PKD1: variants seen among roughly 807,000 people sequenced by gnomAD.
PKD1 encodes polycystin-1.
Under a neutral mutation model 361.7 loss-of-function variants are expected in PKD1, and 81 were observed. That is an observed-to-expected ratio of 0.22 (90% CI 0.19 to 0.27). The LOEUF (loss-of-function observed/expected upper bound fraction) is 0.27, where lower values mean the gene tolerates loss of function less well. PKD1 is among the 10% of genes least tolerant of loss of function. The pLI, the probability that PKD1 is intolerant of heterozygous loss-of-function variation, is 1.00. For missense variants in PKD1, 6,399 were observed against 6,118.3 expected (o/e 1.05, Z -1.53); for synonymous variants, 3,615 against 2,818.3 (o/e 1.28, Z -8.95).
Position 2,090,675 on chromosome 16 carries a change from A to G in PKD1, c.12137T>C (p.Leu4046Pro). 1 of 1,612,098 alleles carries G rather than the reference A, an allele frequency of 6.2e-7. No individual in the cohort carries two copies. Among genetic ancestry groups the G allele is most frequent in the Non-Finnish European group, 8.5e-7 (1 of 1,179,904 alleles). The change falls in exon 44 of 46, where the codon CTG becomes CCG. Residue 4046 changes from leucine (L) to proline (P), a missense_variant and splice_region_variant. Physicochemically the swap from Leu to Pro is moderately conservative, Grantham distance 98 (BLOSUM62 -3). Coordinates refer to ENST00000262304, the MANE Select transcript of PKD1 (RefSeq NM_001009944.3). The part of the protein sequence containing the change: ...LGVAYAQLAI[L>P]LVSSCVDSLW... Reference sequence around the variant, plus strand: ...CTCCCCGGCCGCGCAGTCACCTACCAGGATGGCCAGCTGGGCGTAGGCTAC... The same window carrying G: ...CTCCCCGGCCGCGCAGTCACCTACCGGGATGGCCAGCTGGGCGTAGGCTAC...
At position 2,104,181 on chromosome 16, in the gene PKD1, A is replaced by AAAGGGAGGGGAAGGGGGAT. The variant is rs764621803; in HGVS notation, c.8161+298_8162-287dup. Reference sequence around the variant, plus strand: ...AAGGGAGAAGAAGAGGAGCAGGGGGAAAGGGAGGGGAAGGGGGATAAGGGA... The same window carrying AAAGGGAGGGGAAGGGGGAT: ...AAGGGAGAAGAAGAGGAGCAGGGGGAAAGGGAGGGGAAGGGGGATAAGGGAGGGGAAGGGGGATAAGGGA... On this transcript the variant is annotated intron_variant, in intron 22 of 45. Coordinates refer to ENST00000262304, the MANE Select transcript of PKD1 (RefSeq NM_001009944.3). Among the ~76,000 whole-genome samples the AAAGGGAGGGGAAGGGGGAT allele has an allele frequency of 2.3e-3, 32 of 13,882 alleles. 1 individual carries two copies. The South Asian group carries it at 0.034, about 15-fold the overall frequency. 9.1% of individuals were successfully genotyped at this position (13,882 alleles called of 152,430 possible).
intron 14 of PKD1, 32 bp downstream of exon 14, chr16:2,112,308 G>C: frequency 6.4e-7 from 1 of 1,570,868 alleles, no homozygotes; most frequent in Non-Finnish European, 8.6e-7. Flanking sequence ...GAGCCTGAAA[G>C]GCAGTGGCCC....
Position 2,109,835 on chromosome 16 carries a change from A to T in PKD1, c.5332T>A (p.Leu1778Met). Residue 1778 changes from leucine (L) to methionine (M), a missense_variant, in exon 15 of 46, where the codon TTG becomes ATG. Physicochemically the swap from Leu to Met is conservative, Grantham distance 15. Coordinates refer to ENST00000262304, the MANE Select transcript of PKD1 (RefSeq NM_001009944.3). ...THSFPTPGLH[L>M]VTMTAGNPLG... ...GGGTTCCCTGCCGTCATGGTGACCA[A>T]GTGCAGGCCGGGTGTGGGGAAGCTA... 6.2e-7 allele frequency: 1 copy of T among 1,610,662 alleles called. No individual in the cohort carries two copies. Among genetic ancestry groups the T allele is most frequent in the Non-Finnish European group, 8.5e-7 (1 of 1,179,830 alleles).
rs373743750 is a variant in PKD1, at chr16:2,097,345, G to C, written c.10379C>G (p.Ser3460Trp). The C allele has an allele frequency of 1.2e-5, 19 of 1,612,642 alleles. No individual in the cohort carries two copies. Among genetic ancestry groups the C allele is most frequent in the East Asian group, 4.5e-5 (2 of 44,880 alleles). ...EDGFSLASPY[S>W]PAKSFSASDE... ...TGATGCTGAGAAGGATTTGGCAGGC[G>C]AGTAGGGGCTGGCCAGGGAGAAGCC... The change falls in exon 33 of 46, where the codon TCG becomes TGG. Residue 3460 changes from serine to tryptophan, a missense_variant. Coordinates refer to ENST00000262304, the MANE Select transcript of PKD1 (RefSeq NM_001009944.3).
chr16:2,105,348 T>G lies in PKD1; in HGVS notation c.7990A>C (p.Ile2664Leu). 1 of 1,592,976 alleles carries G rather than the reference T, an allele frequency of 6.3e-7. No homozygotes were observed. Among genetic ancestry groups the G allele is most frequent in the Non-Finnish European group, 8.5e-7 (1 of 1,177,308 alleles). Residue 2664 changes from isoleucine to leucine, a missense_variant, in exon 21 of 46, where the codon ATC becomes CTC. By Grantham distance (5) the Ile-to-Leu change is conservative. Coordinates refer to ENST00000262304, the MANE Select transcript of PKD1 (RefSeq NM_001009944.3). Reference protein sequence around the residue: ...RVHTVDDIQQIAAALAQCMGP... With the variant: ...RVHTVDDIQQLAAALAQCMGP... ...ATGCACTGGGCCAGCGCAGCAGCGATCTGCTGGATGTCATCCACAGTGTGG... is the reference window on the plus strand; with the variant it reads ...ATGCACTGGGCCAGCGCAGCAGCGAGCTGCTGGATGTCATCCACAGTGTGG...
intron 34 of PKD1, chr16:2,096,810 C>A (rs2091866786): frequency 1.1e-5 from 4 of 364,678 alleles, no homozygotes; most frequent in Middle Eastern, 8.2e-4. Flanking sequence ...AGCCACCGCG[C>A]CCGGCCAAAA....
chr16:2,116,303 CT>C (rs2092634686), intron 8 of PKD1, 185 bp from the exon 9 acceptor site: 2 of 701,050 alleles, frequency 2.9e-6, no homozygotes, highest in South Asian at 3.2e-5. Flanking sequence ...GGCAGGACCC[CT>C]GACCTGCCTT....
intron 35 of PKD1, 29 bp downstream of exon 35, chr16:2,094,062 TA>T (rs774994528): frequency 2.6e-5 from 41 of 1,586,018 alleles, no homozygotes; most frequent in Admixed American, 5.2e-5. Flanking sequence ...AGGGAGGGGC[TA>T]GGGGCATCCC....
rs1213585339 is a variant in PKD1, at chr16:2,093,742, G to A, written c.10822-4C>T. On this transcript the variant is annotated splice_polypyrimidine_tract_variant and splice_region_variant and intron_variant, in intron 36 of 45. Coordinates refer to ENST00000262304, the MANE Select transcript of PKD1 (RefSeq NM_001009944.3). ...AGTACAGGGCTTCCAGCAAGACCTGGGGAGGGGGTGGCTTCAGAGGGGTCC... is the reference window on the plus strand; with the variant it reads ...AGTACAGGGCTTCCAGCAAGACCTGAGGAGGGGGTGGCTTCAGAGGGGTCC... 1 of 1,577,072 alleles carries A rather than the reference G, an allele frequency of 6.3e-7. No homozygotes were observed. The highest frequency in any genetic ancestry group is 1.1e-5 in the South Asian group (1 of 87,228).
At position 2,116,054 on chromosome 16, in the gene PKD1, G is replaced by A; in HGVS notation, c.1787C>T (p.Thr596Ile). Residue 596 changes from threonine to isoleucine, a missense_variant, in exon 9 of 46, where the codon ACC (threonine) becomes ATC (isoleucine). Physicochemically the swap from Thr to Ile is moderately conservative, Grantham distance 89. Coordinates refer to ENST00000262304, the MANE Select transcript of PKD1 (RefSeq NM_001009944.3). ...CTGGGCGGGCCGCCGGAGCTCCTGGGTCCCAAATTCGGCCGTGGTGAGGAA... is the reference window on the plus strand; with the variant it reads ...CTGGGCGGGCCGCCGGAGCTCCTGGATCCCAAATTCGGCCGTGGTGAGGAA... Reference protein sequence around the residue: ...EAFLTTAEFGTQELRRPAQLR... With the variant: ...EAFLTTAEFGIQELRRPAQLR... 2 of 1,529,722 alleles carry A rather than the reference G, an allele frequency of 1.3e-6. No homozygotes were observed. The highest frequency in any genetic ancestry group is 1.8e-6 in the Non-Finnish European group (2 of 1,128,852). The allele number at this position is 1,529,722 out of a possible 1,614,324, so 94.8% of individuals were successfully genotyped here. A position where few individuals can be genotyped will look rare whatever the true frequency, so the allele number is the denominator to read the frequency against.
intron 30 of PKD1, 150 bp from the exon 31 acceptor site, chr16:2,098,134 C>T (rs990384619): frequency 8.4e-5 from 52 of 619,266 alleles, no homozygotes; most frequent in Admixed American, 3.0e-4. Context: ...CTGCACCGTC[C>T]GTGATGGCAG....
intron 1 of PKD1, among the ~76,000 whole-genome samples, chr16:2,130,121 C>T (rs2432391): frequency 5.2e-4 from 79 of 152,328 alleles, no homozygotes; most frequent in African/African-American, 1.9e-3. Flanking sequence ...TTTGCATCCG[C>T]GTCTAATAAA....
At chr16:2,104,673 T>C (rs1021914921) in intron 21 of PKD1, 31 bp from the exon 22 acceptor site, 3 of 1,333,490 alleles carry the variant, frequency 2.2e-6, no homozygotes, top group Non-Finnish European at 2.1e-6. Context: ...CCAGCCCCGC[T>C]CCTGGCCCCA....
Position 2,089,812 on chromosome 16 carries a change from C to A in PKD1, c.12827G>T (p.Arg4276Leu). 1 of 1,600,464 alleles carries A rather than the reference C, an allele frequency of 6.2e-7. No homozygotes were observed. The highest frequency in any genetic ancestry group is 8.5e-7 in the Non-Finnish European group (1 of 1,174,236). The change falls in exon 46 of 46, where the codon CGG becomes CTG. Residue 4276 changes from arginine (R) to leucine (L), a missense_variant. Transcript: ENST00000262304. The stretch of plus-strand genomic sequence containing the variant: ...GGCCAGGTCCACACCCCGACTGGCC[C>A]GGGCAAGGCGGCTGGGCAGTGCTGG... The part of the protein sequence containing the change: ...LRPALPSRLA[R>L]ASRGVDLATG...
chr16:2,093,833 A>C lies in PKD1; in HGVS notation c.10799T>G (p.Phe3600Cys). ...CACCTTCAGTGGCTCCCAGCCGAGG[A>C]ATGAGGCCAGGAAGCTGGCGCTGCT... The part of the protein sequence containing the change: ...LSSSASFLAS[F>C]LGWEPLKVLL... The change falls in exon 36 of 46, where the codon TTC becomes TGC. Residue 3600 changes from phenylalanine (F) to cysteine (C), a missense_variant. By Grantham distance (205) the Phe-to-Cys change is radical. Transcript: ENST00000262304. The C allele has an allele frequency of 6.4e-7, 1 of 1,561,436 alleles. No individual in the cohort carries two copies. Among genetic ancestry groups the C allele is most frequent in the East Asian group, 2.4e-5 (1 of 42,090 alleles).
At chr16:2,130,125 T>G (rs1174379157) in intron 1 of PKD1, among the ~76,000 whole-genome samples, 4 of 152,222 alleles carry the variant, frequency 2.6e-5, no homozygotes, top group Non-Finnish European at 4.4e-5. Context: ...CATCCGCGTC[T>G]AATAAAGAAA....
At chr16:2,093,430 C>G (rs961553220) in intron 37 of PKD1, 114 bp downstream of exon 37, 1 of 1,005,808 alleles carries the variant, frequency 9.9e-7, no homozygotes, top group Non-Finnish European at 1.5e-6. Flanking sequence ...AGCATTGAAC[C>G]CCTAAGGGCC....
Position 2,109,272 on chromosome 16 carries a change from G to A in PKD1, c.5895C>T (p.Ile1965=), listed in dbSNP as rs558825346. 1.6e-5 allele frequency: 25 copies of A among 1,584,084 alleles called. No individual in the cohort carries two copies. The African/African-American group carries it at 2.3e-4, about 14-fold the overall frequency. Residue 1965 remains isoleucine (I), a synonymous_variant, in exon 15 of 46, where the codon ATC becomes ATT. Transcript: ENST00000262304. ...HVSWAQAQVR[I]VVLEAVSGLQ... ...GCCCACTCACGGCCTCCAGCACCAC[G>A]ATGCGCACCTGCGCCTGGGCCCAGC... is the stretch of plus-strand genomic sequence containing the variant.
Position 2,100,194 on chromosome 16 carries a change from G to A in PKD1, c.9684C>T (p.Gly3228=). 5.0e-6 allele frequency: 8 copies of A among 1,609,324 alleles called. No individual in the cohort carries two copies. The highest frequency in any genetic ancestry group is 1.1e-5 in the South Asian group (1 of 90,960). ...WLSVETEANG[G]LVEKEVLAAS... is the part of the protein sequence containing the mutation. ...CGGCCAGCACCTCCTTCTCCACCAG[G>A]CCCCCGTTGGCCTCCGTCTCCACCG... Residue 3228 remains glycine, a synonymous_variant, in exon 28 of 46, where the codon GGC becomes GGT. Transcript: ENST00000262304. The surrounding 1 kb of genome is among the most constrained non-coding windows in gnomAD (Gnocchi z 4.4).
Sources: gnomAD v4.1 joint callset for allele counts (sites outside exome capture counted in the v4.1 genomes callset) on GRCh38, gnomAD v4.1.1 for gene constraint, Gnocchi (gnomAD v3.1) non-coding constraint, MANE v1.5 for transcripts, NCBI Gene and HGNC (gene_info 2026-07-23, HGNC 2026-07-21) for gene names.